The following CCR7 variants were observed in gnomAD, a reference collection of about 807,000 sequenced individuals.
CCR7 encodes the protein C-C motif chemokine receptor 7, also known as C-C chemokine receptor type 7.
A neutral mutation model predicts 26.0 loss-of-function variants in CCR7; 11 were observed. The observed-to-expected ratio is 0.42, with a 90% CI of 0.27 to 0.70. CCR7 has a LOEUF of 0.70. Ranked by LOEUF, CCR7 falls within the 30% of genes least tolerant of loss-of-function variation. CCR7 has a pLI of 0.23. For synonymous variants in CCR7, 189 were observed against 202.1 expected, an observed-to-expected ratio of 0.94 and a Z score of 0.55; for missense variants, 360 against 504.0, an observed-to-expected ratio of 0.71 and a Z score of 2.74.
At chr17:40,560,359 GA>G (rs947331093) in intron 1 of CCR7, among the ~76,000 whole-genome samples, 5 of 152,210 alleles carry the variant, frequency 3.3e-5, no homozygotes, top group Non-Finnish European at 7.3e-5. Context: ...ATAGCGCCAG[GA>G]AATGCGTGGG....
In CCR7 at chr17:40,565,449, C is replaced by A. The variant is rs763803639; in HGVS notation, c.-40G>T. 1 of 1,609,602 alleles carries A rather than the reference C, an allele frequency of 6.2e-7. No individual in the cohort carries two copies. The highest frequency in any genetic ancestry group is 8.5e-7 in the Non-Finnish European group (1 of 1,175,872). Reference sequence around the variant, plus strand: ...GGTAAAACCACACAGGAAGGCTGTGCCCGGCCTCGCACTACCCCTGTCTGG... The same window carrying A: ...GGTAAAACCACACAGGAAGGCTGTGACCGGCCTCGCACTACCCCTGTCTGG... On this transcript the variant is annotated 5_prime_UTR_variant, in exon 1 of 3. Transcript: ENST00000246657.
rs746812817 is a variant in CCR7 at position 40,554,822 on chromosome 17, G to A, written c.1057C>T (p.Arg353Trp). Residue 353 changes from arginine (R) to tryptophan (W), a missense_variant, in exon 3 of 3, where the codon CGG becomes TGG. Transcript: ENST00000246657. ...DLGCLSQEQL[R>W]QWSSCRHIRR... ...ATGTGCCGACAGGAAGACCACTGCCGGAGCTGCTCCTGGCTGAGGCAGCCC... is the reference window on the plus strand; with the variant it reads ...ATGTGCCGACAGGAAGACCACTGCCAGAGCTGCTCCTGGCTGAGGCAGCCC... The A allele has an allele frequency of 5.0e-6, 8 of 1,614,182 alleles. No individual in the cohort carries two copies. The East Asian group carries it at 6.7e-5, about 13-fold the overall frequency.
intron 2 of CCR7, among the ~76,000 whole-genome samples, chr17:40,556,266 T>G (rs2036586639): frequency 6.6e-6 from 1 of 152,214 alleles, no homozygotes; most frequent in Admixed American, 6.5e-5. Context: ...TGTGTTTTCC[T>G]AAAGTCTCCA....
At position 40,555,705 on chromosome 17, in the gene CCR7, G is replaced by C. The variant is rs2036579299; in HGVS notation, c.174C>G (p.Ala58=). ...CSKKDVRNFK[A]WFLPIMYSII... The stretch of plus-strand genomic sequence containing the variant: ...TGGAGTACATGATAGGGAGGAACCA[G>C]GCTTTAAAGTTCCGCACGTCCTTCT... Residue 58 remains alanine, a synonymous_variant, in exon 3 of 3, where the codon GCC becomes GCG. Coordinates refer to ENST00000246657, the MANE Select transcript of CCR7 (RefSeq NM_001838.4). This position sits in a 1 kb window ranked among gnomAD's most constrained non-coding sequence, Gnocchi z 5.6. 2 of 1,614,112 alleles carry C rather than the reference G, an allele frequency of 1.2e-6. No individual in the cohort carries two copies. Among genetic ancestry groups the C allele is most frequent in the African/African-American group, 2.7e-5 (2 of 75,018 alleles).
In CCR7 at chr17:40,558,902, G is replaced by A; in HGVS notation, c.51C>T (p.Val17=). ...MKSVLVVALL[V]IFQVCLCQDE... ...TGGCAGAGAACCTCACCTGGAAAATGACAAGGAGAGCCACCACCAGCACGC... is the reference window on the plus strand; with the variant it reads ...TGGCAGAGAACCTCACCTGGAAAATAACAAGGAGAGCCACCACCAGCACGC... Residue 17 remains valine, a synonymous_variant, in exon 2 of 3, where the codon GTC becomes GTT. Transcript: ENST00000246657. The A allele has an allele frequency of 1.2e-6, 2 of 1,613,772 alleles. No individual in the cohort carries two copies. Among genetic ancestry groups the A allele is most frequent in the South Asian group, 2.2e-5 (2 of 91,046 alleles).
intron 1 of CCR7, chr17:40,561,042 G>GT (rs1289870901): frequency 1.3e-5 from 2 of 152,198 alleles, no homozygotes; most frequent in African/African-American, 4.8e-5. Context: ...TTTAAAACAC[G>GT]TAAGTGTCTT....
intron 1 of CCR7, 31 bp downstream of exon 1, chr17:40,565,369 T>G (rs1230235420): frequency 4.4e-6 from 7 of 1,602,204 alleles, no homozygotes; most frequent in Non-Finnish European, 6.0e-6. Context: ...ACCCTGGTAC[T>G]GTTCCTTCTC....
chr17:40,559,262 C>T (rs1203879073), intron 1 of CCR7, among the ~76,000 whole-genome samples: 2 of 152,222 alleles, frequency 1.3e-5, no homozygotes, highest in Non-Finnish European at 2.9e-5. Flanking sequence ...TTCTCTAGCC[C>T]AGACCACCCC....
intron 1 of CCR7, among the ~76,000 whole-genome samples, chr17:40,559,504 G>T (rs1034040140): frequency 1.3e-5 from 2 of 152,216 alleles, no homozygotes; most frequent in African/African-American, 2.4e-5. Context: ...GAGGAAGGAG[G>T]ATGACCTCAC....
intron 1 of CCR7, among the ~76,000 whole-genome samples, chr17:40,564,127 G>C (rs1277720777): frequency 6.6e-6 from 1 of 152,102 alleles, no homozygotes; most frequent in African/African-American, 2.4e-5. Flanking sequence ...AGGGGAGTGG[G>C]ATTTAAGGGT....
chr17:40,563,876 C>T (rs2036679270), intron 1 of CCR7, among the ~76,000 whole-genome samples: 1 of 152,138 alleles, frequency 6.6e-6, no homozygotes, highest in Admixed American at 6.5e-5. Context: ...AATCAATCAG[C>T]CAGGGTGGGA....
At position 40,555,878 on chromosome 17, in the gene CCR7, T is replaced by TAAATCCCAGCCAGA; in HGVS notation, c.61-61_61-60insTCTGGCTGGGATTT. On this transcript the variant is annotated intron_variant, in intron 2 of 2. Coordinates refer to ENST00000246657, the MANE Select transcript of CCR7 (RefSeq NM_001838.4). This position sits in a 1 kb window ranked among gnomAD's most constrained non-coding sequence, Gnocchi z 5.6. ...TTAGCTGGGTGGCTCCAACTCTGGC[T>TAAATCCCAGCCAGA]GGGATTTAGCCTAGAGCAGTGGTTT... The TAAATCCCAGCCAGA allele has an allele frequency of 8.4e-7, 1 of 1,186,838 alleles. No individual in the cohort carries two copies. The highest frequency in any genetic ancestry group is 1.2e-6 in the Non-Finnish European group (1 of 813,140). The allele number at this position is 1,186,838 out of a possible 1,614,324, so 73.5% of individuals were successfully genotyped here.
Position 40,555,337 on chromosome 17 carries a change from C to A in CCR7, c.542G>T (p.Gly181Val). 3 of 1,614,120 alleles carry A rather than the reference C, an allele frequency of 1.9e-6. No homozygotes were observed. The highest frequency in any genetic ancestry group is 2.5e-6 in the Non-Finnish European group (3 of 1,180,030). Residue 181 changes from glycine (G) to valine (V), a missense_variant, in exon 3 of 3, where the codon GGC (glycine) becomes GTC (valine). Gly to Val is a moderately radical substitution (Grantham distance 109, BLOSUM62 -3). Transcript: ENST00000246657. This position sits in a 1 kb window ranked among gnomAD's most constrained non-coding sequence, Gnocchi z 5.6. ...VLLISKLSCV[G>V]IWILATVLSI... ...GAGCACTGTGGCTAGTATCCAGATG[C>A]CCACACAGGACAGCTTGCTGATGAG... is the stretch of plus-strand genomic sequence containing the variant.
Position 40,555,793 on chromosome 17 carries a change from G to C in CCR7, c.86C>G (p.Thr29Arg). The change falls in exon 3 of 3, where the codon ACG becomes AGG. Residue 29 changes from threonine (T) to arginine (R), a missense_variant. Physicochemically the swap from Thr to Arg is moderately conservative, Grantham distance 71 (BLOSUM62 -1). Coordinates refer to ENST00000246657, the MANE Select transcript of CCR7 (RefSeq NM_001838.4). The surrounding 1 kb of genome is among the most constrained non-coding windows in gnomAD (Gnocchi z 5.6). ...FQVCLCQDEV[T>R]DDYIGDNTTV... is the part of the protein sequence containing the mutation. The stretch of plus-strand genomic sequence containing the variant: ...GGTGTTGTCTCCGATGTAATCGTCC[G>C]TGACCTCATCTTGACACAGGCATAC... 1 of 1,613,770 alleles carries C rather than the reference G, an allele frequency of 6.2e-7. No homozygotes were observed. The highest frequency in any genetic ancestry group is 8.5e-7 in the Non-Finnish European group (1 of 1,179,722).
chr17:40,557,831 C>T (rs771732748), intron 2 of CCR7, among the ~76,000 whole-genome samples: 7 of 152,256 alleles, frequency 4.6e-5, no homozygotes, highest in South Asian at 2.1e-4. Flanking sequence ...CCTATCTGAG[C>T]ACCCCCTCCC....
At chr17:40,560,526 G>T (rs1209606856) in intron 1 of CCR7, among the ~76,000 whole-genome samples, 1 of 152,212 alleles carries the variant, frequency 6.6e-6, no homozygotes, top group Non-Finnish European at 1.5e-5. Context: ...GTAAAGCCAG[G>T]GATTCTGGGC....
At chr17:40,560,942 A>G (rs1232508554) in intron 1 of CCR7, 3 of 152,288 alleles carry the variant, frequency 2.0e-5, no homozygotes, top group Admixed American at 1.3e-4. Context: ...CCTGAGTTTA[A>G]GTCCACGTTT....
At position 40,554,520 on chromosome 17, in the gene CCR7, G is replaced by A. The variant is rs138676617; in HGVS notation, c.*222C>T. ...TAGCCTCTGTTTCCCAGTGTTGTCTGTCTGGTGTTAGCTTATCAGCCCTGT... is the reference window on the plus strand; with the variant it reads ...TAGCCTCTGTTTCCCAGTGTTGTCTATCTGGTGTTAGCTTATCAGCCCTGT... On this transcript the variant is annotated 3_prime_UTR_variant, in exon 3 of 3. Transcript: ENST00000246657. 1.1e-4 allele frequency: 64 copies of A among 573,964 alleles called. No homozygotes were observed. The East Asian group carries it at 1.3e-3, about 12-fold the overall frequency. The allele number at this position is 573,964 out of a possible 1,614,324, so 35.6% of individuals were successfully genotyped here.
At chr17:40,561,365 T>C (rs1022920294) in intron 1 of CCR7, among the ~76,000 whole-genome samples, 4 of 152,168 alleles carry the variant, frequency 2.6e-5, no homozygotes, top group African/African-American at 9.7e-5. Flanking sequence ...GGGGAACTCT[T>C]GTATGTGGCA....
Sources: gnomAD v4.1 joint callset for allele counts (sites outside exome capture counted in the v4.1 genomes callset) on GRCh38, gnomAD v4.1.1 for gene constraint, Gnocchi (gnomAD v3.1) non-coding constraint, MANE v1.5 for transcripts, NCBI Gene and HGNC (gene_info 2026-07-23, HGNC 2026-07-21) for gene names.